Variants in NRXN1 observed in about 807,000 individuals in gnomAD.
The protein encoded by NRXN1 is neurexin 1.
A neutral mutation model predicts 150.9 loss-of-function variants in NRXN1; 39 were observed. That is an observed-to-expected ratio of 0.26 (90% CI 0.20 to 0.34). The LOEUF is 0.34. Among genes scored for constraint, NRXN1 ranks in the 10% least tolerant of loss-of-function variants. The probability of loss-of-function intolerance (pLI) is 1.00; values close to 1 mark genes in which losing one functional copy is unlikely to be tolerated. For missense variants in NRXN1, 1,815 were observed against 1,949.9 expected, an observed-to-expected ratio of 0.93 and a Z score of 1.30; for synonymous variants, 924 against 757.0, an observed-to-expected ratio of 1.22 and a Z score of -3.62.
chr2:49,979,190 G>C (rs1294487843), intron 21 of NRXN1, among the ~76,000 whole-genome samples: 1 of 152,152 alleles, frequency 6.6e-6, no homozygotes, highest in East Asian at 1.9e-4. Flanking sequence ...TCAGCTACTT[G>C]AGAGGCTGAG....
chr2:50,068,414 A>G (rs928058330), intron 19 of NRXN1, among the ~76,000 whole-genome samples: 6 of 152,142 alleles, frequency 3.9e-5, no homozygotes, highest in Non-Finnish European at 7.4e-5. Flanking sequence ...ATACAAGTTA[A>G]TTTTCTCTAC....
Position 50,497,714 on chromosome 2 carries a change from C to T in NRXN1, c.2498G>A (p.Gly833Asp), listed in dbSNP as rs1353890315. The T allele has an allele frequency of 1.2e-6, 2 of 1,601,466 alleles. No homozygotes were observed. Among genetic ancestry groups the T allele is most frequent in the East Asian group, 4.5e-5 (2 of 44,684 alleles). The change falls in exon 14 of 23, where the codon GGT (glycine) becomes GAT (aspartate). Residue 833 changes from glycine to aspartate, a missense_variant and splice_region_variant. By Grantham distance (94) the Gly-to-Asp change is moderately conservative (BLOSUM62 -1). Coordinates refer to ENST00000401669, the MANE Select transcript of NRXN1 (RefSeq NM_001330078.2). ...LTVDDQQAMT[G>D]QMAGDHTRLE... ...CCTAGTATGATCACCTGCCATTTGA[C>T]CTAAAAGAGAAGATAATATATGATT...
chr2:50,184,074 G>C (rs1467225093), intron 18 of NRXN1, among the ~76,000 whole-genome samples: 1 of 151,960 alleles, frequency 6.6e-6, no homozygotes, highest in African/African-American at 2.4e-5. Flanking sequence ...AGTTCGACAG[G>C]AAGTTTCTTT....
intron 17 of NRXN1, among the ~76,000 whole-genome samples, chr2:50,239,384 G>A (rs147801929): frequency 4.6e-4 from 69 of 151,154 alleles, no homozygotes; most frequent in African/African-American, 1.5e-3. Flanking sequence ...GCTATTTAAT[G>A]ATATAAAACA....
chr2:50,225,701 G>A (rs141743748), intron 18 of NRXN1, among the ~76,000 whole-genome samples: 11 of 151,880 alleles, frequency 7.2e-5, no homozygotes, highest in African/African-American at 1.9e-4. Flanking sequence ...TATGAACAGC[G>A]GCACTCTGGA....
At chr2:50,197,802 A>G (rs1212888881) in intron 18 of NRXN1, among the ~76,000 whole-genome samples, 1 of 152,180 alleles carries the variant, frequency 6.6e-6, no homozygotes, top group African/African-American at 2.4e-5. Context: ...TATCACAGCT[A>G]CTTGACACCT....
At chr2:50,101,118 A>G (rs1700920969) in intron 18 of NRXN1, among the ~76,000 whole-genome samples, 2 of 152,090 alleles carry the variant, frequency 1.3e-5, no homozygotes, top group African/African-American at 4.8e-5. Context: ...ATATTTAAAA[A>G]TTATTGTTGC....
At chr2:50,089,055 T>C (rs1033568306) in intron 19 of NRXN1, among the ~76,000 whole-genome samples, 2 of 152,192 alleles carry the variant, frequency 1.3e-5, no homozygotes, top group Non-Finnish European at 2.9e-5. Context: ...ACATTATGCA[T>C]ATTAATAAAG....
At chr2:50,353,892 T>A (rs935088376) in intron 17 of NRXN1, among the ~76,000 whole-genome samples, 5 of 152,138 alleles carry the variant, frequency 3.3e-5, no homozygotes, top group African/African-American at 1.2e-4. Context: ...AAATCACAGA[T>A]TGCTTTGCTT....
chr2:50,538,167 G>T (rs1015556426), intron 10 of NRXN1, 86 bp downstream of exon 10: 2 of 1,450,674 alleles, frequency 1.4e-6, no homozygotes, highest in Non-Finnish European at 1.9e-6. Context: ...TATACATTAC[G>T]TTTCAATGGT....
intron 17 of NRXN1, among the ~76,000 whole-genome samples, chr2:50,371,242 A>C (rs547529410): frequency 4.6e-5 from 7 of 152,034 alleles, no homozygotes; most frequent in Non-Finnish European, 8.8e-5. Flanking sequence ...CTTTCATTTG[A>C]TTATTACCAA....
chr2:50,655,608 A>G (rs148182313), intron 5 of NRXN1, among the ~76,000 whole-genome samples: 31 of 151,936 alleles, frequency 2.0e-4, no homozygotes, highest in Middle Eastern at 3.4e-3. Flanking sequence ...TGGTAGGAAC[A>G]AACTACTTAT....
At chr2:50,706,417 G>C (rs1694445233) in intron 5 of NRXN1, among the ~76,000 whole-genome samples, 1 of 152,118 alleles carries the variant, frequency 6.6e-6, no homozygotes. Context: ...ATGGCAGGGA[G>C]ACTGTTACTT....
At chr2:50,583,105 C>T (rs763858403) in intron 8 of NRXN1, among the ~76,000 whole-genome samples, 1 of 151,634 alleles carries the variant, frequency 6.6e-6, no homozygotes, top group Non-Finnish European at 1.5e-5. Context: ...GGCTGCAATT[C>T]AGCGGCATGA....
chr2:50,742,083 TTCAA>T (rs1051764447), intron 5 of NRXN1, among the ~76,000 whole-genome samples: 2 of 152,150 alleles, frequency 1.3e-5, no homozygotes, highest in Admixed American at 1.3e-4. Context: ...TTTATGAATA[TTCAA>T]TCAATCACTT....
At chr2:50,460,577 G>C (rs527509055) in intron 17 of NRXN1, among the ~76,000 whole-genome samples, 1 of 151,970 alleles carries the variant, frequency 6.6e-6, no homozygotes, top group Admixed American at 6.6e-5. Flanking sequence ...CTACTTTTAT[G>C]ATGTCAATTC....
At chr2:50,818,391 G>A (rs915847178) in intron 5 of NRXN1, among the ~76,000 whole-genome samples, 64 of 151,764 alleles carry the variant, frequency 4.2e-4, no homozygotes, top group Middle Eastern at 3.4e-3. Flanking sequence ...AACTCCTTGG[G>A]TAAGTTTATC....
At chr2:50,135,476 A>T (rs1045750113) in intron 18 of NRXN1, among the ~76,000 whole-genome samples, 5 of 152,104 alleles carry the variant, frequency 3.3e-5, no homozygotes, top group African/African-American at 1.2e-4. Flanking sequence ...GTGGATCACG[A>T]GGTCAGGAGA....
At chr2:50,209,129 T>A (rs759315323) in intron 18 of NRXN1, among the ~76,000 whole-genome samples, 31 of 152,086 alleles carry the variant, frequency 2.0e-4, no homozygotes, top group Non-Finnish European at 4.3e-4. Context: ...GAAAGAACAA[T>A]TTAAGTATTT....
Sources: allele counts gnomAD v4.1 joint callset (sites outside exome capture counted in the v4.1 genomes callset), GRCh38; gene constraint gnomAD v4.1.1; transcripts MANE v1.5; gene names NCBI Gene and HGNC (gene_info 2026-07-23, HGNC 2026-07-21).